Variants in RHEB observed in about 807,000 individuals in gnomAD.
RHEB encodes GTP-binding protein Rheb.
RHEB carries 2 observed loss-of-function variants against 28.8 expected under a neutral mutation model. That is an observed-to-expected ratio of 0.07 (90% CI 0.03 to 0.22). The LOEUF is 0.22. Ranked by LOEUF, RHEB falls within the 10% of genes least tolerant of loss-of-function variation. The pLI is 1.00. For synonymous variants in RHEB, 69 were observed against 77.3 expected (o/e 0.89, Z 0.56); for missense variants, 76 against 219.9 (o/e 0.35, Z 4.14).
intron 1 of RHEB, chr7:151,498,156 G>C (rs949206451): frequency 3.0e-5 from 39 of 1,289,620 alleles, no homozygotes; most frequent in Middle Eastern, 2.1e-4. Flanking sequence ...CTCACAACAG[G>C]TGCGTAGGTC....
At chr7:151,501,878 A>G (rs1802778143) in intron 1 of RHEB, 2 of 639,814 alleles carry the variant, frequency 3.1e-6, no homozygotes, top group African/African-American at 1.9e-5. Context: ...AGGCAAGAAG[A>G]TGGTGGACGA....
intron 3 of RHEB, among the ~76,000 whole-genome samples, chr7:151,479,344 T>C (rs1255436250): frequency 6.6e-6 from 1 of 151,998 alleles, no homozygotes; most frequent in Admixed American, 6.6e-5. Context: ...ATGAAAACGA[T>C]GCGTATGATA....
At chr7:151,481,695 T>G (rs539346423) in intron 3 of RHEB, among the ~76,000 whole-genome samples, 1 of 152,354 alleles carries the variant, frequency 6.6e-6, no homozygotes, top group South Asian at 2.1e-4. Flanking sequence ...CAAGAACTAC[T>G]AGTTGCAATG....
At chr7:151,485,936 C>T (rs1039667323) in intron 2 of RHEB, among the ~76,000 whole-genome samples, 1 of 152,164 alleles carries the variant, frequency 6.6e-6, no homozygotes, top group African/African-American at 2.4e-5. Flanking sequence ...GTACCTGTTC[C>T]GGAAGTTATC....
At chr7:151,476,767 GCTGTT>G (rs1286651963) in intron 4 of RHEB, among the ~76,000 whole-genome samples, 54 of 152,310 alleles carry the variant, frequency 3.5e-4, no homozygotes, top group African/African-American at 1.3e-3. Context: ...TATACAGCCA[GCTGTT>G]CTGTTAACAG....
intron 3 of RHEB, among the ~76,000 whole-genome samples, chr7:151,481,006 A>AT (rs879322834): frequency 8.0e-5 from 12 of 150,626 alleles, no homozygotes; most frequent in East Asian, 3.9e-4. Context: ...AGGTTGCAAA[A>AT]TTTTTTTTTT....
At chr7:151,474,195 T>C (rs1237390876) in intron 4 of RHEB, among the ~76,000 whole-genome samples, 1 of 152,144 alleles carries the variant, frequency 6.6e-6, no homozygotes, top group Non-Finnish European at 1.5e-5. Context: ...TGTTTTTTTT[T>C]TGAGACACAG....
intron 1 of RHEB, 66 bp downstream of exon 1, chr7:151,519,394 C>A: frequency 1.6e-6 from 2 of 1,212,934 alleles, no homozygotes. Context: ...GCAGGCCCGG[C>A]CGCGACCCGG....
At chr7:151,475,776 T>C (rs1802260590) in intron 4 of RHEB, among the ~76,000 whole-genome samples, 1 of 152,146 alleles carries the variant, frequency 6.6e-6, no homozygotes, top group Non-Finnish European at 1.5e-5. Flanking sequence ...ACATGAAATA[T>C]TATAAAGCCA....
intron 1 of RHEB, among the ~76,000 whole-genome samples, chr7:151,494,081 GGAAA>G (rs1486021879): frequency 6.6e-6 from 1 of 151,996 alleles, no homozygotes; most frequent in African/African-American, 2.4e-5. Context: ...GCTTACAAAT[GGAAA>G]GAAAGGAAAG....
chr7:151,499,925 C>T (rs1468561026), intron 1 of RHEB, among the ~76,000 whole-genome samples: 1 of 152,198 alleles, frequency 6.6e-6, no homozygotes. Context: ...CCTCTTGTCT[C>T]AGCCTCCCAA....
chr7:151,493,008 T>G (rs1292011775), intron 1 of RHEB, among the ~76,000 whole-genome samples: 1 of 151,710 alleles, frequency 6.6e-6, no homozygotes, highest in Non-Finnish European at 1.5e-5. Context: ...CCTGACTAAT[T>G]TTTTTTGTAT....
intron 2 of RHEB, among the ~76,000 whole-genome samples, chr7:151,485,409 C>T (rs998284152): frequency 1.3e-5 from 2 of 152,158 alleles, no homozygotes; most frequent in East Asian, 1.9e-4. Context: ...GAATAACTTC[C>T]GGAAAAGTCA....
At position 151,519,479 on chromosome 7, in the gene RHEB, G is replaced by C. The variant is rs532923868; in HGVS notation, c.33C>G (p.Ile11Met). 13 of 1,551,928 alleles carry C rather than the reference G, an allele frequency of 8.4e-6. No homozygotes were observed. The highest frequency in any genetic ancestry group is 2.6e-6 in the Non-Finnish European group (3 of 1,151,278). MPQSKSRKIA[I>M]LGYRSVGKSS... is the part of the protein sequence containing the mutation. ...ACTCACCCACAGACCGGTAGCCCAG[G>C]ATCGCGATCTTCCGGGACTTGGACT... The change falls in exon 1 of 8, where the codon ATC becomes ATG. Residue 11 changes from isoleucine to methionine, a missense_variant. Coordinates refer to ENST00000262187, the MANE Select transcript of RHEB (RefSeq NM_005614.4).
chr7:151,486,730 T>C (rs946984756), intron 2 of RHEB, among the ~76,000 whole-genome samples: 1 of 152,142 alleles, frequency 6.6e-6, no homozygotes, highest in African/African-American at 2.4e-5. Flanking sequence ...AGTGACCACA[T>C]GACTGTACAG....
chr7:151,487,774 C>T (rs992430951), intron 2 of RHEB, among the ~76,000 whole-genome samples: 3 of 152,190 alleles, frequency 2.0e-5, no homozygotes, highest in Non-Finnish European at 1.5e-5. Context: ...TCTCCTTGAG[C>T]CCCTTTCTCC....
At chr7:151,514,256 A>T (rs891511157) in intron 1 of RHEB, among the ~76,000 whole-genome samples, 9 of 152,256 alleles carry the variant, frequency 5.9e-5, no homozygotes, top group African/African-American at 2.2e-4. Context: ...TGTAAGAGTT[A>T]ACAGGATAAA....
intron 1 of RHEB, among the ~76,000 whole-genome samples, chr7:151,500,567 C>G (rs1417953640): frequency 6.6e-6 from 1 of 152,120 alleles, no homozygotes; most frequent in Non-Finnish European, 1.5e-5. Context: ...AAAAGAGAGG[C>G]TGCGGCAGTA....
chr7:151,475,388 A>G (rs1330040876), intron 4 of RHEB, among the ~76,000 whole-genome samples: 1 of 152,242 alleles, frequency 6.6e-6, no homozygotes, highest in Non-Finnish European at 1.5e-5. Flanking sequence ...CTAGGATAAA[A>G]TTGTACTTAC....
Sources: gnomAD v4.1 joint callset for allele counts (sites outside exome capture counted in the v4.1 genomes callset) on GRCh38, gnomAD v4.1.1 for gene constraint, MANE v1.5 for transcripts, NCBI Gene and HGNC (gene_info 2026-07-23, HGNC 2026-07-21) for gene names.